Variants in DRG1 observed in about 807,000 individuals in gnomAD.
DRG1 encodes developmentally regulated GTP binding protein 1, also known as developmentally-regulated GTP-binding protein 1.
A neutral mutation model predicts 38.8 loss-of-function variants in DRG1; 19 were observed. The ratio of observed to expected loss-of-function variants is 0.49; its 90% confidence interval spans 0.34 to 0.72. The LOEUF is 0.72. DRG1 is among the 30% of genes least tolerant of loss of function. The probability of loss-of-function intolerance (pLI) is 0.01; values close to 1 mark genes in which losing one functional copy is unlikely to be tolerated. For synonymous variants in DRG1, 167 were observed against 157.5 expected, an observed-to-expected ratio of 1.06 and a Z score of -0.45; for missense variants, 299 against 444.8, an observed-to-expected ratio of 0.67 and a Z score of 2.95.
rs558558601 is a variant in DRG1 at position 31,418,027 on chromosome 22, TG to T, written c.413-2227del. ...AGTCTACCACTGAGGCTGGGCATGG[TG>T]GCTCACGCCTGTAATCCCAACACTT... On this transcript the variant is annotated intron_variant, in intron 4 of 8. Transcript: ENST00000331457. Among the ~76,000 whole-genome samples, 22 of 149,896 alleles carry T rather than the reference TG, an allele frequency of 1.5e-4. No homozygotes were observed. In the South Asian group the frequency reaches 4.6e-3, roughly 32 times the overall value.
intron 8 of DRG1, among the ~76,000 whole-genome samples, chr22:31,431,321 A>T (rs1372210608): frequency 6.6e-6 from 1 of 152,060 alleles, no homozygotes; most frequent in East Asian, 1.9e-4. Context: ...GGCGTGAGCC[A>T]CTGTGCCCGC....
intron 6 of DRG1, 36 bp from the exon 7 acceptor site, chr22:31,426,579 C>G (rs367676008): frequency 5.7e-6 from 9 of 1,571,196 alleles, no homozygotes; most frequent in South Asian, 1.2e-5. Context: ...GTCAACAACT[C>G]CAGACTAATA....
rs970737677 is a variant in DRG1, at chr22:31,434,313, A to G, written c.*342A>G. ...AGTGTGAAATGGATAAAAATATGAC[A>G]TGCTGCATCTTACTTGATGTTTACT... On this transcript the variant is annotated 3_prime_UTR_variant, in exon 9 of 9. Coordinates refer to ENST00000331457, the MANE Select transcript of DRG1 (RefSeq NM_004147.4). The G allele has an allele frequency of 4.2e-6, 1 of 235,638 alleles. No homozygotes were observed. Among genetic ancestry groups the G allele is most frequent in the Non-Finnish European group, 8.4e-6 (1 of 119,746 alleles). The allele number at this position is 235,638 out of a possible 1,614,324, so 14.6% of individuals were successfully genotyped here. A position where few individuals can be genotyped will look rare whatever the true frequency, so the allele number is the denominator to read the frequency against.
At chr22:31,407,187 G>C (rs2049993694) in intron 3 of DRG1, among the ~76,000 whole-genome samples, 2 of 152,120 alleles carry the variant, frequency 1.3e-5, no homozygotes, top group South Asian at 4.1e-4. Flanking sequence ...GTGTCTGTAG[G>C]GTTTCTCTAA....
chr22:31,421,816 T>C (rs2050078517), intron 5 of DRG1, among the ~76,000 whole-genome samples: 2 of 151,930 alleles, frequency 1.3e-5, no homozygotes, highest in Admixed American at 6.6e-5. Context: ...GATGTGAGTA[T>C]AGATAGAAAA....
chr22:31,428,938 T>C (rs1048600162), intron 8 of DRG1, among the ~76,000 whole-genome samples: 2 of 152,332 alleles, frequency 1.3e-5, no homozygotes, highest in Admixed American at 1.3e-4. Context: ...ATGATGTTGA[T>C]ATACCTCACC....
At chr22:31,405,466 G>A (rs2049984301) in intron 3 of DRG1, among the ~76,000 whole-genome samples, 3 of 151,882 alleles carry the variant, frequency 2.0e-5, no homozygotes, top group Admixed American at 1.3e-4. Context: ...GTGCCTGGCC[G>A]GGCCTTAATA....
At chr22:31,423,133 A>C (rs73160619) in intron 5 of DRG1, 147 bp from the exon 6 acceptor site, 30,228 of 963,710 alleles carry the variant, frequency 0.031, 605 homozygotes, top group Middle Eastern at 0.044. Context: ...TTTATTTCCT[A>C]CTAAAAGTCA....
intron 1 of DRG1, among the ~76,000 whole-genome samples, chr22:31,400,041 C>T (rs1350882630): frequency 6.6e-6 from 1 of 151,956 alleles, no homozygotes; most frequent in African/African-American, 2.4e-5. Context: ...GATGTTGTTT[C>T]TTTCCGTTTT....
intron 4 of DRG1, 68 bp from the exon 5 acceptor site, chr22:31,420,188 A>T: frequency 6.5e-7 from 1 of 1,549,144 alleles, no homozygotes; most frequent in East Asian, 2.3e-5. Context: ...AAACACCTCT[A>T]CTTGAGTATT....
chr22:31,434,219 A>C lies in DRG1; in HGVS notation c.*248A>C. The C allele has an allele frequency of 4.4e-6, 2 of 455,802 alleles. No homozygotes were observed. The highest frequency in any genetic ancestry group is 4.3e-5 in the South Asian group (2 of 46,496). The allele number at this position is 455,802 out of a possible 1,614,324, so 28.2% of individuals were successfully genotyped here. A position where few individuals can be genotyped will look rare whatever the true frequency, so the allele number is the denominator to read the frequency against. On this transcript the variant is annotated 3_prime_UTR_variant, in exon 9 of 9. Coordinates refer to ENST00000331457, the MANE Select transcript of DRG1 (RefSeq NM_004147.4). ...TGTCATTGTCAGAATTTGTTTTGGGATGGGCTGAATGAGGAAGGGTATATA... is the reference window on the plus strand; with the variant it reads ...TGTCATTGTCAGAATTTGTTTTGGGCTGGGCTGAATGAGGAAGGGTATATA...
At chr22:31,420,227 C>T (rs768680765) in intron 4 of DRG1, 29 bp from the exon 5 acceptor site, 10 of 1,605,634 alleles carry the variant, frequency 6.2e-6, no homozygotes, top group Non-Finnish European at 8.5e-6. Context: ...ATTGAACTTT[C>T]TTGCGTATGT....
intron 4 of DRG1, among the ~76,000 whole-genome samples, chr22:31,418,907 A>C (rs543442567): frequency 2.0e-5 from 3 of 152,124 alleles, no homozygotes; most frequent in Non-Finnish European, 4.4e-5. Flanking sequence ...GGTCTCAATC[A>C]GCTCACCTTG....
intron 1 of DRG1, among the ~76,000 whole-genome samples, chr22:31,400,195 A>G (rs555621074): frequency 6.6e-4 from 100 of 151,612 alleles, no homozygotes; most frequent in Non-Finnish European, 1.4e-3. Context: ...GATTCAGAGT[A>G]TTTGCTCCCG....
chr22:31,412,368 T>TTGG (rs2050022798), intron 4 of DRG1, among the ~76,000 whole-genome samples: 1 of 148,118 alleles, frequency 6.8e-6, no homozygotes, highest in Non-Finnish European at 1.5e-5. Flanking sequence ...TTTTTTTTTT[T>TTGG]GAGATGGAGT....
intron 4 of DRG1, among the ~76,000 whole-genome samples, chr22:31,416,615 C>T (rs2050045710): frequency 6.6e-6 from 1 of 152,040 alleles, no homozygotes. Context: ...ATTAGCCAGG[C>T]ATGGTGGCAG....
rs1410754232 is a variant in DRG1, at chr22:31,434,055, T to G, written c.*84T>G. ...ACCCTACCCCAGTTCTTTCTGGTTTTGGCAGTCACTGGATCAGGATCCAGG... is the reference window on the plus strand; with the variant it reads ...ACCCTACCCCAGTTCTTTCTGGTTTGGGCAGTCACTGGATCAGGATCCAGG... On this transcript the variant is annotated 3_prime_UTR_variant, in exon 9 of 9. Coordinates refer to ENST00000331457, the MANE Select transcript of DRG1 (RefSeq NM_004147.4). 7.7e-7 allele frequency: 1 copy of G among 1,303,376 alleles called. No individual in the cohort carries two copies. Among genetic ancestry groups the G allele is most frequent in the African/African-American group, 1.5e-5 (1 of 68,756 alleles). The allele number at this position is 1,303,376 out of a possible 1,614,324, so 80.7% of individuals were successfully genotyped here.
At position 31,399,619 on chromosome 22, in the gene DRG1, C is replaced by G. The variant is rs886955517; in HGVS notation, c.-65C>G. The G allele has an allele frequency of 2.2e-5, 36 of 1,607,452 alleles. No homozygotes were observed. The Middle Eastern group carries it at 4.9e-4, about 22-fold the overall frequency. Reference sequence around the variant, plus strand: ...TGCGTGCTGCAGTAGCGCCTGGTGGCGGTGGCAGTTTGCCCGCGGGTGTGT... The same window carrying G: ...TGCGTGCTGCAGTAGCGCCTGGTGGGGGTGGCAGTTTGCCCGCGGGTGTGT... On this transcript the variant is annotated 5_prime_UTR_variant, in exon 1 of 9. Transcript: ENST00000331457.
chr22:31,423,162 G>A (rs2050086229), intron 5 of DRG1, 118 bp from the exon 6 acceptor site: 7 of 1,253,594 alleles, frequency 5.6e-6, no homozygotes, highest in Non-Finnish European at 6.7e-6. Context: ...CATCCCGGAT[G>A]TATTTAGTAA....
Sources: gnomAD v4.1 joint callset for allele counts (sites outside exome capture counted in the v4.1 genomes callset) on GRCh38, gnomAD v4.1.1 for gene constraint, MANE v1.5 for transcripts, NCBI Gene and HGNC (gene_info 2026-07-23, HGNC 2026-07-21) for gene names.